Variants in ADAMTS17 observed in about 807,000 individuals in gnomAD.
ADAMTS17 encodes the protein A disintegrin and metalloproteinase with thrombospondin motifs 17.
A neutral mutation model predicts 141.5 loss-of-function variants in ADAMTS17; 113 were observed. The observed-to-expected ratio is 0.80, with a 90% CI of 0.69 to 0.93. The LOEUF is 0.93. Among genes scored for constraint, ADAMTS17 ranks in the 40% least tolerant of loss-of-function variants. The pLI is 0.00. For missense variants in ADAMTS17, 1,659 were observed against 1,517.9 expected, an observed-to-expected ratio of 1.09 and a Z score of -1.54; for synonymous variants, 768 against 630.6, an observed-to-expected ratio of 1.22 and a Z score of -3.27.
intron 3 of ADAMTS17, among the ~76,000 whole-genome samples, chr15:100,330,640 A>G (rs556901475): frequency 2.0e-5 from 3 of 152,316 alleles, no homozygotes; most frequent in South Asian, 4.1e-4. Context: ...CTCTTGATAT[A>G]TAAAATTGAG....
chr15:100,075,401 C>G (rs909208150), intron 15 of ADAMTS17, among the ~76,000 whole-genome samples: 1 of 152,124 alleles, frequency 6.6e-6, no homozygotes, highest in South Asian at 2.1e-4. Context: ...TGATACTGTA[C>G]AGCAAAAAAT....
At chr15:100,269,902 C>T (rs186590257) in intron 4 of ADAMTS17, among the ~76,000 whole-genome samples, 7 of 152,324 alleles carry the variant, frequency 4.6e-5, no homozygotes, top group Non-Finnish European at 8.8e-5. Flanking sequence ...TTTTCTACTT[C>T]AGCCAGCCCA....
intron 8 of ADAMTS17, among the ~76,000 whole-genome samples, chr15:100,158,742 A>C (rs1005073185): frequency 4.6e-5 from 7 of 152,240 alleles, no homozygotes; most frequent in Non-Finnish European, 8.8e-5. Context: ...ATTAAGTTTT[A>C]AAATATATAT....
intron 18 of ADAMTS17, among the ~76,000 whole-genome samples, chr15:100,035,444 T>C (rs2030615189): frequency 1.3e-5 from 2 of 152,228 alleles, no homozygotes; most frequent in Non-Finnish European, 2.9e-5. Context: ...GCCACGACTT[T>C]GGTTACGTTC....
intron 2 of ADAMTS17, among the ~76,000 whole-genome samples, chr15:100,340,506 T>C (rs761064299): frequency 5.9e-5 from 9 of 151,770 alleles, no homozygotes; most frequent in Non-Finnish European, 1.2e-4. Flanking sequence ...CTAGGAAGAG[T>C]GGGGTGAGCC....
At chr15:100,042,497 C>A (rs1410738339) in intron 18 of ADAMTS17, among the ~76,000 whole-genome samples, 3 of 152,186 alleles carry the variant, frequency 2.0e-5, no homozygotes, top group Non-Finnish European at 4.4e-5. Context: ...ATCTGAGCAA[C>A]CTCAGCATAC....
chr15:100,307,716 C>A (rs80103622), intron 3 of ADAMTS17, among the ~76,000 whole-genome samples: 2 of 152,144 alleles, frequency 1.3e-5, no homozygotes, highest in East Asian at 3.9e-4. Context: ...ATGAGATAGC[C>A]GATGTCACGT....
intron 10 of ADAMTS17, among the ~76,000 whole-genome samples, chr15:100,138,694 G>GA (rs2038462534): frequency 6.6e-6 from 1 of 152,202 alleles, no homozygotes; most frequent in Admixed American, 6.5e-5. Context: ...GGAGAGAATA[G>GA]AAAGAGTTGG....
intron 19 of ADAMTS17, among the ~76,000 whole-genome samples, chr15:99,994,184 G>A (rs1174643243): frequency 6.6e-6 from 1 of 152,210 alleles, no homozygotes; most frequent in Non-Finnish European, 1.5e-5. Context: ...CCCTGTCCCT[G>A]ACACAGGCGT....
At chr15:100,273,969 C>T (rs1215020831) in intron 4 of ADAMTS17, among the ~76,000 whole-genome samples, 1 of 152,148 alleles carries the variant, frequency 6.6e-6, no homozygotes, top group Non-Finnish European at 1.5e-5. Flanking sequence ...GGTTTAATTT[C>T]TACAAATTTG....
Position 100,195,016 on chromosome 15 carries a change from C to G in ADAMTS17, c.1181+4302G>C, listed in dbSNP as rs372839338. Among the ~76,000 whole-genome samples the G allele has an allele frequency of 2.5e-4, 38 of 152,374 alleles. No individual in the cohort carries two copies. The East Asian group carries it at 6.7e-3, about 27-fold the overall frequency. ...GCTACCGCTATGGAAAGGGACACAG[C>G]TGCCTTCCTCACACTCAACGCTGCC... is the stretch of plus-strand genomic sequence containing the variant. On this transcript the variant is annotated intron_variant, in intron 8 of 21. Transcript: ENST00000268070.
At chr15:100,094,332 G>T (rs910232447) in intron 15 of ADAMTS17, among the ~76,000 whole-genome samples, 3 of 152,374 alleles carry the variant, frequency 2.0e-5, no homozygotes, top group Admixed American at 6.5e-5. Flanking sequence ...GGCCACAGGG[G>T]TCTGACCTCA....
At position 100,116,954 on chromosome 15, in the gene ADAMTS17, T is replaced by A; in HGVS notation, c.1781A>T (p.Asn594Ile). The change falls in exon 13 of 22, where the codon AAC becomes ATC. Residue 594 changes from asparagine (N) to isoleucine (I), a missense_variant. Transcript: ENST00000268070. ...GASVEHAVCE[N>I]LPCPKGLPSF... ...GGGCAGACCCTTGGGGCAGGGCAGG[T>A]TCTCGCAGACCGCATGTTCTACACT... is the stretch of plus-strand genomic sequence containing the variant. 1 of 1,613,344 alleles carries A rather than the reference T, an allele frequency of 6.2e-7. No individual in the cohort carries two copies. The highest frequency in any genetic ancestry group is 2.2e-5 in the East Asian group (1 of 44,844).
chr15:100,341,206 G>A lies in ADAMTS17; in HGVS notation c.283C>T (p.Gln95Ter). 1 of 1,459,714 alleles carries A rather than the reference G, an allele frequency of 6.9e-7. No homozygotes were observed. The highest frequency in any genetic ancestry group is 9.0e-7 in the Non-Finnish European group (1 of 1,109,184). 90.4% of individuals were successfully genotyped at this position (1,459,714 alleles called of 1,614,324 possible). Residue 95 changes from glutamine to a stop codon, truncating the protein, a stop_gained, in exon 2 of 22, where the codon CAG becomes TAG. Transcript: ENST00000268070. LOFTEE classifies it high-confidence loss of function. ...LPAFGRDLYL[Q>*]LRRDLRFLSR... ...AGGAAGCGCAGGTCGCGGCGCAGCT[G>A]AAGGTACAGGTCGCGCCCGAAGGCC... is the stretch of plus-strand genomic sequence containing the variant.
chr15:100,307,229 A>C (rs2045256935), intron 3 of ADAMTS17, among the ~76,000 whole-genome samples: 1 of 152,050 alleles, frequency 6.6e-6, no homozygotes, highest in Non-Finnish European at 1.5e-5. Context: ...AGGAAAAAAG[A>C]CTCTGCTTCT....
chr15:100,092,225 T>C (rs2035513658), intron 15 of ADAMTS17, among the ~76,000 whole-genome samples: 1 of 152,222 alleles, frequency 6.6e-6, no homozygotes, highest in South Asian at 2.1e-4. Context: ...GCTTTAAAAT[T>C]GGTTTCATCT....
chr15:100,185,821 T>G (rs183987546), intron 8 of ADAMTS17, among the ~76,000 whole-genome samples: 480 of 152,328 alleles, frequency 3.2e-3, no homozygotes, highest in African/African-American at 0.011. Flanking sequence ...TTCTGGCTCC[T>G]GAAGTCCTTC....
At chr15:99,999,599 G>T (rs1323474470) in intron 18 of ADAMTS17, among the ~76,000 whole-genome samples, 2 of 152,198 alleles carry the variant, frequency 1.3e-5, no homozygotes, top group African/African-American at 4.8e-5. Flanking sequence ...GATACCTAGG[G>T]CCTGGCTGGC....
intron 7 of ADAMTS17, among the ~76,000 whole-genome samples, chr15:100,226,838 A>G (rs564918619): frequency 6.6e-6 from 1 of 152,342 alleles, no homozygotes; most frequent in Admixed American, 6.5e-5. Context: ...TCTGGTACAC[A>G]GTTGGTAACA....
Sources: allele counts gnomAD v4.1 joint callset (sites outside exome capture counted in the v4.1 genomes callset), GRCh38; gene constraint gnomAD v4.1.1; transcripts MANE v1.5; gene names NCBI Gene and HGNC (gene_info 2026-07-23, HGNC 2026-07-21).